Variants in IL1R1 observed in about 807,000 individuals in gnomAD.
IL1R1 encodes the protein interleukin-1 receptor type 1.
A neutral mutation model predicts 50.2 loss-of-function variants in IL1R1; 22 were observed. The observed-to-expected ratio is 0.44, with a 90% CI of 0.31 to 0.63. IL1R1 has a LOEUF of 0.63. Among genes scored for constraint, IL1R1 ranks in the 20% least tolerant of loss-of-function variants. The probability of loss-of-function intolerance (pLI) is 0.07; values close to 1 mark genes in which losing one functional copy is unlikely to be tolerated. For synonymous variants in IL1R1, 251 were observed against 236.7 expected (o/e 1.06, Z -0.55); for missense variants, 509 against 676.2 (o/e 0.75, Z 2.74).
upstream of IL1R1, among the ~76,000 whole-genome samples, chr2:102,139,521 T>C (rs1682524478): frequency 1.3e-5 from 2 of 152,226 alleles, 1 homozygote; most frequent in South Asian, 4.1e-4. Context: ...TATTTGTCCC[T>C]GCCCAAATCT....
chr2:102,117,223 C>A (rs1047505985), intron 1 of IL1R1, among the ~76,000 whole-genome samples: 1 of 152,152 alleles, frequency 6.6e-6, no homozygotes, highest in Non-Finnish European at 1.5e-5. Flanking sequence ...GACCAAATAA[C>A]AACGCAAAGC....
intron 1 of IL1R1, among the ~76,000 whole-genome samples, chr2:102,133,498 T>C (rs1256974426): frequency 6.6e-6 from 1 of 152,050 alleles, no homozygotes; most frequent in Non-Finnish European, 1.5e-5. Flanking sequence ...AGCATAGATA[T>C]AAAATTCTAA....
intron 1 of IL1R1, among the ~76,000 whole-genome samples, chr2:102,133,943 T>C (rs1682192038): frequency 6.6e-6 from 1 of 151,794 alleles, no homozygotes; most frequent in Non-Finnish European, 1.5e-5. Flanking sequence ...GGTATCCAGA[T>C]TGGAAAAGAA....
At chr2:102,080,132 C>T (rs1358853254) in intron 1 of IL1R1, among the ~76,000 whole-genome samples, 3 of 152,104 alleles carry the variant, frequency 2.0e-5, no homozygotes, top group African/African-American at 7.2e-5. Context: ...CTGCAAAACT[C>T]TTAGAAGGAA....
At chr2:102,150,548 G>T (rs535225533) in intron 1 of IL1R1, among the ~76,000 whole-genome samples, 1 of 152,358 alleles carries the variant, frequency 6.6e-6, no homozygotes, top group African/African-American at 2.4e-5. Context: ...ACGTGCTGCT[G>T]TAGTCACGTT....
At chr2:102,087,686 G>T (rs898395210) in intron 1 of IL1R1, among the ~76,000 whole-genome samples, 1 of 152,146 alleles carries the variant, frequency 6.6e-6, no homozygotes, top group African/African-American at 2.4e-5. Flanking sequence ...TCCTGCCACC[G>T]TGTAAGACGT....
intron 1 of IL1R1, among the ~76,000 whole-genome samples, chr2:102,150,148 A>T (rs1683522995): frequency 6.6e-6 from 1 of 152,192 alleles, no homozygotes; most frequent in Non-Finnish European, 1.5e-5. Flanking sequence ...TTCCTCAAGA[A>T]AAAGAAGCTG....
At chr2:102,082,501 A>T (rs1679255804) in intron 1 of IL1R1, among the ~76,000 whole-genome samples, 1 of 152,220 alleles carries the variant, frequency 6.6e-6, no homozygotes. Context: ...AGAACTTCAG[A>T]ATCAGCATAA....
upstream of IL1R1, among the ~76,000 whole-genome samples, chr2:102,141,533 G>A (rs1682645979): frequency 6.6e-6 from 1 of 152,222 alleles, no homozygotes; most frequent in South Asian, 2.1e-4. Flanking sequence ...TTGTCATCAT[G>A]CCAGGTTGCA....
At chr2:102,127,987 G>T (rs569973592) in intron 1 of IL1R1, among the ~76,000 whole-genome samples, 2 of 152,210 alleles carry the variant, frequency 1.3e-5, no homozygotes, top group South Asian at 4.1e-4. Context: ...TTATCTTTGA[G>T]TGTTTAGATT....
chr2:102,178,307 C>T lies in IL1R1; in HGVS notation c.*1548C>T, dbSNP rs200300990. The T allele has an allele frequency of 6.6e-6, 1 of 152,382 alleles. No individual in the cohort carries two copies. Among genetic ancestry groups the T allele is most frequent in the Non-Finnish European group, 1.5e-5 (1 of 68,066 alleles). The allele number at this position is 152,382 out of a possible 1,614,324, so 9.4% of individuals were successfully genotyped here. ...TCTCCCTCCAGCTGGAATTGCTGCTCTCTGAGGGAGAGGCTGTGGTGGCTG... is the reference window on the plus strand; with the variant it reads ...TCTCCCTCCAGCTGGAATTGCTGCTTTCTGAGGGAGAGGCTGTGGTGGCTG... On this transcript the variant is annotated 3_prime_UTR_variant, in exon 12 of 12. Transcript: ENST00000410023.
rs867221636 is a variant in IL1R1, at chr2:102,164,836, C to T, written c.124C>T (p.Arg42Cys). The change falls in exon 4 of 12, where the codon CGT (arginine) becomes TGT (cysteine). Residue 42 changes from arginine (R) to cysteine (C), a missense_variant. Transcript: ENST00000410023. ...GTCATCTGCAAATGAAATTGATGTT[C>T]GTCCCTGTCCTCTTAACCCAAATGA... ...LVSSANEIDV[R>C]PCPLNPNEHK... 1.2e-6 allele frequency: 2 copies of T among 1,613,844 alleles called. No homozygotes were observed. The highest frequency in any genetic ancestry group is 1.7e-6 in the Non-Finnish European group (2 of 1,179,946).
intron 1 of IL1R1, among the ~76,000 whole-genome samples, chr2:102,123,018 G>T (rs56793250): frequency 6.6e-6 from 1 of 152,084 alleles, no homozygotes; most frequent in African/African-American, 2.4e-5. Flanking sequence ...AGGGAAATTG[G>T]TTTACTTTAG....
At chr2:102,117,290 C>T (rs1559471072) in intron 1 of IL1R1, among the ~76,000 whole-genome samples, 1 of 152,136 alleles carries the variant, frequency 6.6e-6, no homozygotes, top group Non-Finnish European at 1.5e-5. Flanking sequence ...TATGCTTGCA[C>T]TTCCCCCAAG....
chr2:102,109,797 AC>A (rs1200589497), intron 1 of IL1R1, among the ~76,000 whole-genome samples: 1 of 151,872 alleles, frequency 6.6e-6, no homozygotes, highest in African/African-American at 2.4e-5. Flanking sequence ...CTCTCTATTG[AC>A]CCCCCAAATC....
intron 1 of IL1R1, among the ~76,000 whole-genome samples, chr2:102,126,117 C>A (rs182086634): frequency 9.2e-5 from 14 of 152,260 alleles, no homozygotes; most frequent in African/African-American, 1.2e-4. Flanking sequence ...AATTCATTGA[C>A]AACATAACCT....
At position 102,132,229 on chromosome 2, in the gene IL1R1, TG is replaced by T. The variant is rs201484326; in HGVS notation, c.-83-21710del. ...AGGAAAAGGATACTAGATGGAGATC[TG>T]GATCTATCCAAAGGATAGAGCACCA... On this transcript the variant is annotated intron_variant, in intron 1 of 10. Transcript: ENST00000409329. Among the ~76,000 whole-genome samples, 1,163 of 151,430 alleles carry T rather than the reference TG, an allele frequency of 7.7e-3. 21 individuals carry two copies. The highest frequency in any genetic ancestry group is 0.043 in the Admixed American group (644 of 15,112).
chr2:102,101,280 C>A (rs533121602), upstream of IL1R1, among the ~76,000 whole-genome samples: 4 of 152,260 alleles, frequency 2.6e-5, no homozygotes, highest in South Asian at 8.3e-4. Flanking sequence ...AAACTGAGAT[C>A]CAGTGAGATG....
intron 1 of IL1R1, among the ~76,000 whole-genome samples, chr2:102,116,674 C>A (rs1183571582): frequency 6.6e-6 from 1 of 152,126 alleles, no homozygotes; most frequent in African/African-American, 2.4e-5. Context: ...ACTGTGTTAG[C>A]AATGTTAGAG....
Sources: allele counts gnomAD v4.1 joint callset (sites outside exome capture counted in the v4.1 genomes callset), GRCh38; gene constraint gnomAD v4.1.1; transcripts MANE v1.5; gene names NCBI Gene and HGNC (gene_info 2026-07-23, HGNC 2026-07-21).